Variants in MYRIP observed in about 807,000 individuals in gnomAD.
MYRIP encodes the protein myosin VIIA and Rab interacting protein, also known as rab effector MyRIP.
A neutral mutation model predicts 98.0 loss-of-function variants in MYRIP; 49 were observed. The observed-to-expected ratio is 0.50, with a 90% CI of 0.40 to 0.63. The LOEUF is 0.63. Among genes scored for constraint, MYRIP ranks in the 30% least tolerant of loss-of-function variants. The pLI, the probability that MYRIP is intolerant of heterozygous loss-of-function variation, is 0.00. For synonymous variants in MYRIP, 404 were observed against 409.5 expected, an observed-to-expected ratio of 0.99 and a Z score of 0.16; for missense variants, 1,004 against 1,058.2, an observed-to-expected ratio of 0.95 and a Z score of 0.71.
intron 3 of MYRIP, among the ~76,000 whole-genome samples, chr3:40,082,027 A>T (rs761489066): frequency 6.6e-6 from 1 of 152,186 alleles, no homozygotes; most frequent in Non-Finnish European, 1.5e-5. Context: ...GCTGAATAGC[A>T]TTCATTATGT....
chr3:40,104,340 C>T (rs1448748090), intron 3 of MYRIP, among the ~76,000 whole-genome samples: 1 of 152,146 alleles, frequency 6.6e-6, no homozygotes, highest in Admixed American at 6.5e-5. Flanking sequence ...AATTTAAAGT[C>T]ACCCCAAATA....
chr3:39,924,167 A>G (rs1170257022), intron 2 of MYRIP, among the ~76,000 whole-genome samples: 1 of 152,112 alleles, frequency 6.6e-6, no homozygotes, highest in Non-Finnish European at 1.5e-5. Context: ...GCCTAAATAT[A>G]CCAGTTGAAG....
At chr3:40,113,392 G>A (rs966953118) in intron 3 of MYRIP, among the ~76,000 whole-genome samples, 2 of 152,148 alleles carry the variant, frequency 1.3e-5, no homozygotes, top group Admixed American at 6.5e-5. Flanking sequence ...TGATCTTCCC[G>A]CCTCAGCCTC....
intron 1 of MYRIP, among the ~76,000 whole-genome samples, chr3:39,832,746 G>A (rs1024752862): frequency 4.6e-5 from 7 of 152,140 alleles, no homozygotes; most frequent in African/African-American, 1.7e-4. Flanking sequence ...TAGGAATGTT[G>A]TCCTCTATGC....
At chr3:40,107,941 T>C (rs1949080844) in intron 3 of MYRIP, among the ~76,000 whole-genome samples, 1 of 152,212 alleles carries the variant, frequency 6.6e-6, no homozygotes. Flanking sequence ...GGAGTCATCT[T>C]TCTAAAATGC....
At chr3:40,160,861 T>G (rs1950375307) in intron 4 of MYRIP, among the ~76,000 whole-genome samples, 1 of 152,160 alleles carries the variant, frequency 6.6e-6, no homozygotes, top group Non-Finnish European at 1.5e-5. Flanking sequence ...CTGCTTCGGT[T>G]CGCACACGGT....
chr3:40,244,772 T>G (rs1418861894), intron 13 of MYRIP, 165 bp downstream of exon 13: 2 of 781,044 alleles, frequency 2.6e-6, no homozygotes, highest in African/African-American at 3.6e-5. Context: ...ATTCTCCCTT[T>G]AAAAGTGTAG....
chr3:39,953,576 C>T (rs943733280), intron 2 of MYRIP, among the ~76,000 whole-genome samples: 3 of 152,032 alleles, frequency 2.0e-5, no homozygotes, highest in African/African-American at 7.2e-5. Context: ...CCAAGATGGC[C>T]AAATAGGAAC....
intron 4 of MYRIP, among the ~76,000 whole-genome samples, chr3:40,157,007 T>C (rs1477255059): frequency 5.9e-5 from 9 of 152,016 alleles, no homozygotes; most frequent in South Asian, 4.1e-4. Flanking sequence ...GGCTAATTGC[T>C]CTGGCCAGAA....
At chr3:39,871,039 A>T (rs1293423892) in intron 1 of MYRIP, among the ~76,000 whole-genome samples, 1 of 152,226 alleles carries the variant, frequency 6.6e-6, no homozygotes, top group Non-Finnish European at 1.5e-5. Flanking sequence ...GGGCTGTCAG[A>T]CCAACAGGAG....
chr3:40,037,736 T>A (rs1182866636), intron 2 of MYRIP, among the ~76,000 whole-genome samples: 5 of 152,082 alleles, frequency 3.3e-5, no homozygotes, highest in Non-Finnish European at 7.4e-5. Flanking sequence ...TCTTTTCACA[T>A]GTGAAATGTA....
At chr3:40,131,118 A>G (rs1158473180) in intron 3 of MYRIP, among the ~76,000 whole-genome samples, 1 of 152,198 alleles carries the variant, frequency 6.6e-6, no homozygotes, top group Non-Finnish European at 1.5e-5. Context: ...ATTGTGAAAA[A>G]TTGCAATACT....
chr3:39,902,311 C>G (rs767658902), intron 2 of MYRIP, among the ~76,000 whole-genome samples: 5 of 152,204 alleles, frequency 3.3e-5, no homozygotes, highest in South Asian at 2.1e-4. Flanking sequence ...TGGAAAAGGT[C>G]ACCAGAACAA....
intron 10 of MYRIP, among the ~76,000 whole-genome samples, chr3:40,197,699 T>C (rs1166423235): frequency 6.6e-6 from 1 of 152,236 alleles, no homozygotes; most frequent in Non-Finnish European, 1.5e-5. Flanking sequence ...ATCTGTATTA[T>C]TACTCTCTAA....
At chr3:40,204,159 TA>T (rs1951716168) in intron 10 of MYRIP, among the ~76,000 whole-genome samples, 1 of 31,628 alleles carries the variant, frequency 3.2e-5, no homozygotes, top group Non-Finnish European at 6.5e-5. Flanking sequence ...TATAAATATA[TA>T]ATATAATATT....
intron 3 of MYRIP, among the ~76,000 whole-genome samples, chr3:40,059,802 C>T (rs770050805): frequency 5.9e-5 from 9 of 152,106 alleles, no homozygotes; most frequent in African/African-American, 2.2e-4. Context: ...GTGGTTGCCC[C>T]GTGAAGGGCC....
chr3:39,834,470 A>T (rs1017278354), intron 1 of MYRIP, among the ~76,000 whole-genome samples: 38 of 152,208 alleles, frequency 2.5e-4, no homozygotes, highest in African/African-American at 8.9e-4. Context: ...GCTACTTTTC[A>T]TTCATGTGGT....
chr3:39,881,120 C>G (rs767510720), intron 1 of MYRIP, among the ~76,000 whole-genome samples: 39 of 151,950 alleles, frequency 2.6e-4, no homozygotes, highest in Non-Finnish European at 5.0e-4. Flanking sequence ...AATTTAGCAT[C>G]CTGTTTCTTT....
chr3:40,191,422 T>C (rs977615705), intron 10 of MYRIP, among the ~76,000 whole-genome samples: 4 of 152,140 alleles, frequency 2.6e-5, no homozygotes, highest in Admixed American at 6.5e-5. Flanking sequence ...ATACCAAACC[T>C]TGTGGAGCCC....
Sources: gnomAD v4.1 joint callset for allele counts (sites outside exome capture counted in the v4.1 genomes callset) on GRCh38, gnomAD v4.1.1 for gene constraint, MANE v1.5 for transcripts, NCBI Gene and HGNC (gene_info 2026-07-23, HGNC 2026-07-21) for gene names.